The following ZNF226 variants were observed in gnomAD, a reference collection of about 807,000 sequenced individuals.
ZNF226 encodes zinc finger protein 226, also known as Kruppel-associated box protein.
ZNF226 carries 6 observed loss-of-function variants against 11.4 expected under a neutral mutation model. The observed-to-expected ratio is 0.53, with a 90% CI of 0.29 to 1.04. The LOEUF (loss-of-function observed/expected upper bound fraction) is 1.04. Ranked by LOEUF, ZNF226 falls within the 50% of genes least tolerant of loss-of-function variation. The probability of loss-of-function intolerance (pLI) is 0.08; values close to 1 mark genes in which losing one functional copy is unlikely to be tolerated. For missense variants in ZNF226, 1,058 were observed against 956.5 expected (o/e 1.11, Z -1.40); for synonymous variants, 350 against 322.8 (o/e 1.08, Z -0.90).
chr19:44,185,580 T>G, the ZNF226 span, among the ~76,000 whole-genome samples: 1 of 152,132 alleles, frequency 6.6e-6, no homozygotes, highest in Non-Finnish European at 1.5e-5. Context: ...ACTTTGCCCA[T>G]TTCTTTCATT....
Position 44,176,846 on chromosome 19 carries a change from G to A in ZNF226, c.1584G>A (p.Glu528=), listed in dbSNP as rs1568573561. The A allele has an allele frequency of 6.2e-7, 1 of 1,613,970 alleles. No homozygotes were observed. Among genetic ancestry groups the A allele is most frequent in the African/African-American group, 1.3e-5 (1 of 74,966 alleles). Residue 528 remains glutamate (E), a synonymous_variant, in exon 6 of 6, where the codon GAG becomes GAA. Transcript: ENST00000337433. ...TTCATCTAGTGGTCCACACAGGAGA[G>A]AAACCCTATAAATGTGAGATATGTG... is the stretch of plus-strand genomic sequence containing the variant. ...YQVHLVVHTG[E]KPYKCEICGK...
chr19:44,178,135 T>C (rs1970847780), downstream of ZNF226: 1 of 160,098 alleles, frequency 6.2e-6, no homozygotes, highest in African/African-American at 2.4e-5. Context: ...ACCATTGAAA[T>C]GTAGAAAACC....
At chr19:44,169,240 G>C (rs1969790177) in intron 2 of ZNF226, among the ~76,000 whole-genome samples, 2 of 152,006 alleles carry the variant, frequency 1.3e-5, no homozygotes, top group Non-Finnish European at 2.9e-5. Flanking sequence ...ACTCCTGACT[G>C]TAAGTGATCT....
chr19:44,174,685 G>A lies in ZNF226; in HGVS notation c.236-813G>A, dbSNP rs566094825. ...ATTAAATTTATTTCACAATTGACTA[G>A]TAGACCACTTTGTCAATTTGGAAAA... On this transcript the variant is annotated intron_variant, in intron 5 of 5. Transcript: ENST00000337433. 1.7e-5 allele frequency: 4 copies of A among 238,324 alleles called. No individual in the cohort carries two copies. In the South Asian group the frequency reaches 6.0e-4, roughly 36 times the overall value. 14.8% of individuals were successfully genotyped at this position (238,324 alleles called of 1,614,324 possible).
chr19:44,185,603 G>T, the ZNF226 span, among the ~76,000 whole-genome samples: 182 of 151,772 alleles, frequency 1.2e-3, 1 homozygote, highest in African/African-American at 1.6e-3. Flanking sequence ...ATTATTTGGG[G>T]TTTTTTTGTT....
chr19:44,172,033 C>T (rs1042135616), intron 3 of ZNF226, 55 bp from the exon 4 acceptor site: 2 of 1,591,538 alleles, frequency 1.3e-6, no homozygotes, highest in Admixed American at 1.7e-5. Flanking sequence ...CTCAGTGTTA[C>T]CCATCTTCTA....
At chr19:44,179,646 C>G (rs902995186), downstream of ZNF226, among the ~76,000 whole-genome samples, 1 of 152,140 alleles carries the variant, frequency 6.6e-6, no homozygotes, top group Admixed American at 6.6e-5. Context: ...TAATTCTTGA[C>G]AGACTTACTC....
At chr19:44,187,571 A>G in the ZNF226 span, among the ~76,000 whole-genome samples, 1 of 151,832 alleles carries the variant, frequency 6.6e-6, no homozygotes, top group African/African-American at 2.4e-5. The surrounding 1 kb of genome is among the most constrained non-coding windows in gnomAD (Gnocchi z 4.0). Context: ...AATTGTGTTA[A>G]TCTTTTCAAA....
At chr19:44,197,361 C>T in the ZNF226 span, among the ~76,000 whole-genome samples, 2 of 152,206 alleles carry the variant, frequency 1.3e-5, no homozygotes, top group South Asian at 2.1e-4. Context: ...GTTCCATCTG[C>T]TCCACGTGCT....
In ZNF226 at chr19:44,176,988, A is replaced by T. The variant is rs368921321; in HGVS notation, c.1726A>T (p.Ile576Phe). ...QGFNQSSRLQ[I>F]HQLIHTGEKP... ...TTTCAATCAGAGCTCACGACTTCAG[A>T]TTCACCAGCTGATCCATACGGGTGA... is the stretch of plus-strand genomic sequence containing the variant. The change falls in exon 6 of 6, where the codon ATT (isoleucine) becomes TTT (phenylalanine). Residue 576 changes from isoleucine (I) to phenylalanine (F), a missense_variant. Ile to Phe is a conservative substitution (Grantham distance 21). Coordinates refer to ENST00000337433, the MANE Select transcript of ZNF226 (RefSeq NM_001032373.2). 1.1e-4 allele frequency: 185 copies of T among 1,613,890 alleles called. No homozygotes were observed. In the African/African-American group the frequency reaches 2.1e-3, roughly 18 times the overall value.
At position 44,176,456 on chromosome 19, in the gene ZNF226, G is replaced by T; in HGVS notation, c.1194G>T (p.Lys398Asn). The T allele has an allele frequency of 6.2e-7, 1 of 1,614,064 alleles. No individual in the cohort carries two copies. The change falls in exon 6 of 6, where the codon AAG becomes AAT. Residue 398 changes from lysine to asparagine, a missense_variant. Physicochemically the swap from Lys to Asn is moderately conservative, Grantham distance 94. Transcript: ENST00000337433. ...CATTCAAATGTGATGCATGTGGTAAGAGCTTCAGTCGGAATTCACATCTTC... is the reference window on the plus strand; with the variant it reads ...CATTCAAATGTGATGCATGTGGTAATAGCTTCAGTCGGAATTCACATCTTC... ...EKPFKCDACG[K>N]SFSRNSHLQS...
downstream of ZNF226, among the ~76,000 whole-genome samples, chr19:44,180,891 T>C (rs972577293): frequency 2.0e-5 from 3 of 152,146 alleles, no homozygotes. Context: ...GGTCTTTAGG[T>C]TCAAGATGGG....
intron 2 of ZNF226, chr19:44,169,738 T>C (rs1969862064): frequency 4.6e-6 from 1 of 218,214 alleles, no homozygotes; most frequent in Admixed American, 5.6e-5. Flanking sequence ...CCCATGCATA[T>C]CAATTCCAGG....
chr19:44,193,308 T>C, the ZNF226 span, among the ~76,000 whole-genome samples: 1 of 152,104 alleles, frequency 6.6e-6, no homozygotes, highest in African/African-American at 2.4e-5. Flanking sequence ...TTATAGCTTA[T>C]CACTGTAAAA....
intron 5 of ZNF226, chr19:44,173,320 T>C (rs1435988148): frequency 1.6e-5 from 5 of 315,106 alleles, no homozygotes; most frequent in African/African-American, 8.6e-5. Flanking sequence ...CCAGCCACAT[T>C]GTCCTCCCTC....
downstream of ZNF226, among the ~76,000 whole-genome samples, chr19:44,181,741 C>T (rs1328697511): frequency 6.6e-6 from 1 of 152,130 alleles, no homozygotes; most frequent in Non-Finnish European, 1.5e-5. Context: ...CCTTCTTCCT[C>T]TATTTGAAGT....
intron 4 of ZNF226, chr19:44,172,490 T>C (rs933474595): frequency 5.6e-5 from 22 of 396,028 alleles, no homozygotes; most frequent in Admixed American, 1.3e-4. Context: ...AACCAACTTA[T>C]TGAATGTCAT....
At chr19:44,197,737 T>C in the ZNF226 span, among the ~76,000 whole-genome samples, 1 of 152,334 alleles carries the variant, frequency 6.6e-6, no homozygotes, top group East Asian at 1.9e-4. Flanking sequence ...ATTCTTGTAT[T>C]TATAGGATTT....
chr19:44,180,080 C>G (rs1313001797), downstream of ZNF226, among the ~76,000 whole-genome samples: 2 of 103,380 alleles, frequency 1.9e-5, no homozygotes, highest in South Asian at 3.2e-4. Flanking sequence ...GAGCAAGACT[C>G]TGTCTCAAAA....
Sources: allele counts gnomAD v4.1 joint callset (sites outside exome capture counted in the v4.1 genomes callset), GRCh38; gene constraint gnomAD v4.1.1; non-coding constraint Gnocchi (gnomAD v3.1); transcripts MANE v1.5; gene names NCBI Gene and HGNC (gene_info 2026-07-23, HGNC 2026-07-21).